The following FKTN variants were observed in gnomAD, a reference collection of about 807,000 sequenced individuals.
The protein encoded by FKTN is fukutin, also known as ribitol-5-phosphate transferase FKTN.
FKTN carries 47 observed loss-of-function variants against 58.6 expected under a neutral mutation model. The observed-to-expected ratio is 0.80, with a 90% CI of 0.63 to 1.02. The LOEUF is 1.02. FKTN is among the 50% of genes least tolerant of loss of function. The pLI is 0.00. For missense variants in FKTN, 516 were observed against 537.3 expected, an observed-to-expected ratio of 0.96 and a Z score of 0.39; for synonymous variants, 178 against 191.9, an observed-to-expected ratio of 0.93 and a Z score of 0.60.
intron 8 of FKTN, among the ~76,000 whole-genome samples, chr9:105,616,171 T>G (rs1302284293): frequency 4.6e-5 from 7 of 152,242 alleles, no homozygotes; most frequent in Non-Finnish European, 7.3e-5. Flanking sequence ...TAACTGAAAC[T>G]GCTAAAAGCA....
At chr9:105,620,912 C>T (rs548627940) in intron 10 of FKTN, among the ~76,000 whole-genome samples, 1 of 152,060 alleles carries the variant, frequency 6.6e-6, no homozygotes, top group Admixed American at 6.5e-5. Context: ...TACATCTATT[C>T]TTAGAGAACT....
chr9:105,628,746 A>G (rs1833041806), intron 10 of FKTN, among the ~76,000 whole-genome samples: 1 of 152,216 alleles, frequency 6.6e-6, no homozygotes, highest in South Asian at 2.1e-4. Flanking sequence ...ATAGCAATGA[A>G]CTACTGATAA....
In FKTN at chr9:105,604,413, A is replaced by T. The variant is rs913443701; in HGVS notation, c.568A>T (p.Arg190Ter). The stretch of plus-strand genomic sequence containing the variant: ...CAACTACCTCTGGCACGGCCACTTG[A>T]GACTTAAAGAACACATTGACAGGAA... ...SGNYLWHGHL[R>*]LKEHIDRKFV... is the part of the protein sequence containing the mutation. Residue 190 changes from arginine to a stop codon, truncating the protein, a stop_gained, in exon 6 of 11, where the codon AGA becomes TGA. Transcript: ENST00000357998. LOFTEE classifies it high-confidence loss of function. 6.2e-7 allele frequency: 1 copy of T among 1,614,042 alleles called. No individual in the cohort carries two copies. The highest frequency in any genetic ancestry group is 8.5e-7 in the Non-Finnish European group (1 of 1,179,916).
At chr9:105,577,110 T>C (rs1326992503) in intron 3 of FKTN, among the ~76,000 whole-genome samples, 87 of 143,974 alleles carry the variant, frequency 6.0e-4, no homozygotes, top group African/African-American at 2.1e-3. Context: ...TTCTCCCATT[T>C]TGTAGGTTGC....
intron 3 of FKTN, among the ~76,000 whole-genome samples, chr9:105,586,329 C>G (rs1291213921): frequency 6.6e-6 from 1 of 152,168 alleles, no homozygotes; most frequent in Non-Finnish European, 1.5e-5. Context: ...ATACAAACTC[C>G]TTTAGTGTAG....
chr9:105,618,856 T>G (rs905811981), intron 9 of FKTN, among the ~76,000 whole-genome samples: 1 of 151,082 alleles, frequency 6.6e-6, no homozygotes, highest in Admixed American at 6.6e-5. Context: ...GATCATGAGG[T>G]CAGGAGATCG....
At chr9:105,561,465 A>G (rs1181626516) in intron 1 of FKTN, among the ~76,000 whole-genome samples, 1 of 152,176 alleles carries the variant, frequency 6.6e-6, no homozygotes, top group African/African-American at 2.4e-5. Context: ...AGGAAAAAAA[A>G]TAAAAGCACC....
chr9:105,627,223 C>T (rs1290621722), intron 10 of FKTN, among the ~76,000 whole-genome samples: 2 of 152,080 alleles, frequency 1.3e-5, no homozygotes, highest in East Asian at 1.9e-4. Context: ...CTGCCCTCCT[C>T]GGCCTCCTAA....
chr9:105,639,451 T>G lies in FKTN; in HGVS notation c.*4187T>G, dbSNP rs989728367. On this transcript the variant is annotated 3_prime_UTR_variant, in exon 11 of 11. Transcript: ENST00000357998. ...AGTGAACTGGGGAAATGATACATAC[T>G]TCTAAGGGTTTTTAGGGGGATTAAA... 1.6e-6 allele frequency: 1 copy of G among 616,320 alleles called. No individual in the cohort carries two copies. Among genetic ancestry groups the G allele is most frequent in the African/African-American group, 2.0e-5 (1 of 49,926 alleles). 38.2% of individuals were successfully genotyped at this position (616,320 alleles called of 1,614,324 possible).
chr9:105,623,200 G>A (rs898605903), intron 10 of FKTN: 3 of 152,082 alleles, frequency 2.0e-5, no homozygotes, highest in African/African-American at 7.2e-5. Context: ...ACTGGTATGG[G>A]TAGAAGCCAG....
chr9:105,581,554 C>A (rs1842916415), intron 3 of FKTN, among the ~76,000 whole-genome samples: 1 of 151,700 alleles, frequency 6.6e-6, no homozygotes, highest in African/African-American at 2.4e-5. Context: ...GCTGGGAGAA[C>A]CACTGCTCTC....
At chr9:105,634,735 C>T (rs10816289) in intron 10 of FKTN, among the ~76,000 whole-genome samples, 19,240 of 152,130 alleles carry the variant, frequency 0.13, 1,585 homozygotes, top group East Asian at 0.46. Flanking sequence ...CTCTACAGTT[C>T]CAACAGAAAG....
Position 105,636,746 on chromosome 9 carries a change from G to A in FKTN, c.*1482G>A, listed in dbSNP as rs1307059856. 1 of 1,294,512 alleles carries A rather than the reference G, an allele frequency of 7.7e-7. No individual in the cohort carries two copies. The highest frequency in any genetic ancestry group is 5.6e-5 in the East Asian group (1 of 17,920). The allele number at this position is 1,294,512 out of a possible 1,614,324, so 80.2% of individuals were successfully genotyped here. On this transcript the variant is annotated 3_prime_UTR_variant, in exon 11 of 11. Transcript: ENST00000357998. ...TCTGGAGCTTGGCAGATTTTCCTCT[G>A]ACACCAGAGAACAATAGTAGTCTCA...
At chr9:105,589,213 G>A (rs1350248518) in intron 3 of FKTN, among the ~76,000 whole-genome samples, 9 of 152,240 alleles carry the variant, frequency 5.9e-5, no homozygotes, top group East Asian at 5.8e-4. Flanking sequence ...AAGAAGGGCC[G>A]ACGGCTGGGC....
chr9:105,602,302 C>T (rs1464401090), intron 5 of FKTN, among the ~76,000 whole-genome samples: 1 of 152,142 alleles, frequency 6.6e-6, no homozygotes, highest in Non-Finnish European at 1.5e-5. Flanking sequence ...ATGTTCTTGG[C>T]CTAGGACTCT....
chr9:105,588,058 T>C (rs1432757626), intron 3 of FKTN, among the ~76,000 whole-genome samples: 1 of 152,210 alleles, frequency 6.6e-6, no homozygotes, highest in Non-Finnish European at 1.5e-5. Flanking sequence ...ACTGTTTGAT[T>C]CTATATGAGC....
chr9:105,583,123 A>G (rs1039387530), intron 3 of FKTN, among the ~76,000 whole-genome samples: 1 of 152,224 alleles, frequency 6.6e-6, no homozygotes, highest in Non-Finnish European at 1.5e-5. Context: ...TAGAGATTGC[A>G]AAAGAGAAGG....
chr9:105,581,260 C>T (rs1842834706), intron 3 of FKTN, among the ~76,000 whole-genome samples: 1 of 148,254 alleles, frequency 6.7e-6, no homozygotes, highest in Non-Finnish European at 1.5e-5. Flanking sequence ...TTAGAGTTTC[C>T]AGTTTTTCTG....
At chr9:105,591,291 C>T (rs1287855508) in intron 3 of FKTN, among the ~76,000 whole-genome samples, 1 of 152,170 alleles carries the variant, frequency 6.6e-6, no homozygotes, top group Non-Finnish European at 1.5e-5. Context: ...AGTTCAAAGT[C>T]TCATCTGAGA....
Sources: allele counts gnomAD v4.1 joint callset (sites outside exome capture counted in the v4.1 genomes callset), GRCh38; gene constraint gnomAD v4.1.1; transcripts MANE v1.5; gene names NCBI Gene and HGNC (gene_info 2026-07-23, HGNC 2026-07-21).